Variants in GMPS observed in about 807,000 individuals in gnomAD.
GMPS encodes guanosine monophosphate synthase.
GMPS carries 15 observed loss-of-function variants against 77.9 expected under a neutral mutation model. That is an observed-to-expected ratio of 0.19 (90% confidence interval 0.13 to 0.30). GMPS has a LOEUF of 0.30. Ranked by LOEUF, GMPS falls within the 10% of genes least tolerant of loss-of-function variation. GMPS has a pLI of 1.00. For synonymous variants in GMPS, 224 were observed against 275.9 expected (o/e 0.81, Z 1.86); for missense variants, 590 against 838.8 (o/e 0.70, Z 3.66).
At chr3:155,878,549 C>T (rs920340176) in intron 1 of GMPS, among the ~76,000 whole-genome samples, 2 of 152,082 alleles carry the variant, frequency 1.3e-5, no homozygotes, top group African/African-American at 4.8e-5. Flanking sequence ...AGAGTGACTC[C>T]GTTTAACCTT....
chr3:155,940,082 A>T lies in GMPS; in HGVS notation c.*2390A>T, dbSNP rs904107030. 1 of 208,978 alleles carries T rather than the reference A, an allele frequency of 4.8e-6. No homozygotes were observed. Among genetic ancestry groups the T allele is most frequent in the African/African-American group, 2.3e-5 (1 of 44,014 alleles). The allele number at this position is 208,978 out of a possible 1,614,324, so 12.9% of individuals were successfully genotyped here. On this transcript the variant is annotated 3_prime_UTR_variant, in exon 16 of 16. Transcript: ENST00000496455. ...GGCTACCTGGCTAATAACATTCATC[A>T]TTGGTTATTCTGGGCATATCATGAC...
At chr3:155,893,335 C>G (rs971838737) in intron 1 of GMPS, among the ~76,000 whole-genome samples, 183 bp from the exon 2 acceptor site, 2 of 152,036 alleles carry the variant, frequency 1.3e-5, no homozygotes, top group African/African-American at 4.8e-5. Flanking sequence ...TTAATATATG[C>G]CCATGCATGG....
chr3:155,879,370 C>T (rs1313796882), intron 1 of GMPS, among the ~76,000 whole-genome samples: 2 of 148,512 alleles, frequency 1.3e-5, no homozygotes, highest in East Asian at 2.1e-4. Flanking sequence ...CCAGTTCAAA[C>T]GATTCTCCCA....
chr3:155,935,068 T>G, intron 14 of GMPS, 22 bp downstream of exon 14: 1 of 1,578,796 alleles, frequency 6.3e-7, no homozygotes, highest in Non-Finnish European at 8.7e-7. Flanking sequence ...ATGTTTTTGA[T>G]TACTACCCTC....
chr3:155,875,555 C>G (rs116340081), intron 1 of GMPS, among the ~76,000 whole-genome samples: 2 of 152,200 alleles, frequency 1.3e-5, no homozygotes, highest in Non-Finnish European at 2.9e-5. Flanking sequence ...GTTTTTATGC[C>G]TCTTTCTAAC....
chr3:155,870,458 G>A (rs1297441766), upstream of GMPS: 3 of 190,480 alleles, frequency 1.6e-5, no homozygotes, highest in African/African-American at 7.0e-5. Flanking sequence ...CCCAAGGGCG[G>A]GCCGCGGGAG....
chr3:155,929,129 T>C (rs958800415), intron 12 of GMPS, among the ~76,000 whole-genome samples: 1 of 151,690 alleles, frequency 6.6e-6, no homozygotes, highest in Non-Finnish European at 1.5e-5. Flanking sequence ...TCCACAATGG[T>C]TGAACTAGTT....
chr3:155,923,537 A>G (rs991877752), intron 11 of GMPS, among the ~76,000 whole-genome samples: 36 of 152,304 alleles, frequency 2.4e-4, no homozygotes, highest in Non-Finnish European at 4.6e-4. Flanking sequence ...AGCTGCGGAG[A>G]ACAGATCAAT....
intron 3 of GMPS, among the ~76,000 whole-genome samples, chr3:155,901,856 T>C (rs1754745334): frequency 6.6e-6 from 1 of 152,162 alleles, no homozygotes; most frequent in African/African-American, 2.4e-5. Context: ...ACTAAACTTT[T>C]CCCAACTATA....
At chr3:155,912,962 C>G (rs1187630271) in intron 7 of GMPS, among the ~76,000 whole-genome samples, 1 of 152,218 alleles carries the variant, frequency 6.6e-6, no homozygotes, top group African/African-American at 2.4e-5. Context: ...CTCTCCTTCC[C>G]CATCAGAACA....
At chr3:155,915,469 T>G (rs530541715) in intron 8 of GMPS, among the ~76,000 whole-genome samples, 2 of 152,280 alleles carry the variant, frequency 1.3e-5, no homozygotes, top group African/African-American at 4.8e-5. Context: ...TGGTGCAATC[T>G]TGGCTCACTG....
Position 155,942,321 on chromosome 3 carries a change from C to T in GMPS, c.*4629C>T, listed in dbSNP as rs189353685. ...TACAGGATGGTCTCGATCTCCCGAC[C>T]TCATGATCCGCCCGCCTCGGCCTCT... On this transcript the variant is annotated 3_prime_UTR_variant, in exon 16 of 16. Transcript: ENST00000496455. The T allele has an allele frequency of 1.6e-5, 3 of 192,334 alleles. No individual in the cohort carries two copies. Among genetic ancestry groups the T allele is most frequent in the African/African-American group, 6.9e-5 (3 of 43,174 alleles). 11.9% of individuals were successfully genotyped at this position (192,334 alleles called of 1,614,324 possible).
At chr3:155,911,590 A>G (rs1228041407) in intron 7 of GMPS, among the ~76,000 whole-genome samples, 1 of 152,064 alleles carries the variant, frequency 6.6e-6, no homozygotes, top group East Asian at 1.9e-4. Context: ...TAATCCCAGC[A>G]CTTAGGGAGA....
At chr3:155,903,242 A>G (rs930832782) in intron 3 of GMPS, among the ~76,000 whole-genome samples, 2 of 152,232 alleles carry the variant, frequency 1.3e-5, no homozygotes, top group African/African-American at 4.8e-5. Context: ...TGTAAATGAT[A>G]AATAAGAAAA....
At chr3:155,905,060 C>T (rs928666840) in intron 4 of GMPS, among the ~76,000 whole-genome samples, 6 of 151,904 alleles carry the variant, frequency 3.9e-5, no homozygotes, top group African/African-American at 9.7e-5. Flanking sequence ...CTCTGTCGCA[C>T]GCCCAGGCTG....
In GMPS at chr3:155,870,813, C is replaced by T; in HGVS notation, c.-58C>T. 1 of 1,226,662 alleles carries T rather than the reference C, an allele frequency of 8.2e-7. No homozygotes were observed. The highest frequency in any genetic ancestry group is 2.2e-5 in the Admixed American group (1 of 46,466). 76.0% of individuals were successfully genotyped at this position (1,226,662 alleles called of 1,614,324 possible). A position where few individuals can be genotyped will look rare whatever the true frequency, so the allele number is the denominator to read the frequency against. On this transcript the variant is annotated 5_prime_UTR_variant, in exon 1 of 16. Transcript: ENST00000496455. ...GCCCGCGGCGCCGACCCTTCCGGCA[C>T]CCTCCCGCCCCGTCTCGTACTGTCG...
Position 155,916,141 on chromosome 3 carries a change from C to G in GMPS, c.1161C>G (p.Leu387=). The G allele has an allele frequency of 6.2e-7, 1 of 1,613,446 alleles. No homozygotes were observed. The highest frequency in any genetic ancestry group is 1.3e-5 in the African/African-American group (1 of 74,976). ...TTGTTGCAAGTGGCAAAGCTGAACT[C>G]ATCAAAACCCATCACAATGACACAG... ...ASLVASGKAE[L]IKTHHNDTEL... The change falls in exon 9 of 16, where the codon CTC becomes CTG. Residue 387 remains leucine, a synonymous_variant. Transcript: ENST00000496455.
intron 1 of GMPS, 27 bp downstream of exon 1, chr3:155,870,924 G>A (rs747917273): frequency 2.1e-6 from 3 of 1,451,092 alleles, no homozygotes; most frequent in South Asian, 1.4e-5. Flanking sequence ...CTGCAGCACC[G>A]CATCCCGGCG....
At chr3:155,925,885 G>A (rs1755441949) in intron 12 of GMPS, among the ~76,000 whole-genome samples, 1 of 152,086 alleles carries the variant, frequency 6.6e-6, no homozygotes. Context: ...CTGTACTAGG[G>A]AACACATTCT....
Sources: allele counts gnomAD v4.1 joint callset (sites outside exome capture counted in the v4.1 genomes callset), GRCh38; gene constraint gnomAD v4.1.1; transcripts MANE v1.5; gene names NCBI Gene and HGNC (gene_info 2026-07-23, HGNC 2026-07-21).